MGLL: variants seen among roughly 807,000 people sequenced by gnomAD.
The protein encoded by MGLL is monoglyceride lipase, also known as lysophospholipase homolog.
Under a neutral mutation model 29.1 loss-of-function variants are expected in MGLL, and 7 were observed. The observed-to-expected ratio is 0.24, with a 90% CI of 0.14 to 0.45. The LOEUF (loss-of-function observed/expected upper bound fraction) is 0.45. Among genes scored for constraint, MGLL ranks in the 20% least tolerant of loss-of-function variants. MGLL has a pLI of 0.99. For synonymous variants in MGLL, 148 were observed against 168.3 expected (o/e 0.88, Z 0.93); for missense variants, 356 against 413.6 (o/e 0.86, Z 1.21).
intron 2 of MGLL, among the ~76,000 whole-genome samples, chr3:127,814,045 T>C (rs2107755102): frequency 6.6e-6 from 1 of 151,712 alleles, no homozygotes; most frequent in South Asian, 2.1e-4. Context: ...CCTCCCTGCC[T>C]CCCTCCCACT....
At chr3:127,820,982 T>TA (rs1314959545) in intron 2 of MGLL, among the ~76,000 whole-genome samples, 1 of 152,222 alleles carries the variant, frequency 6.6e-6, no homozygotes, top group Non-Finnish European at 1.5e-5. Flanking sequence ...ACAAGAGGCC[T>TA]ACAAAACAGG....
chr3:127,744,358 G>A (rs536085613), intron 3 of MGLL, among the ~76,000 whole-genome samples: 4 of 152,220 alleles, frequency 2.6e-5, no homozygotes, highest in Non-Finnish European at 4.4e-5. Flanking sequence ...GCGGGATGAC[G>A]ATCTGGGTTT....
intron 3 of MGLL, among the ~76,000 whole-genome samples, chr3:127,755,744 C>T (rs1011157167): frequency 3.3e-5 from 5 of 152,264 alleles, no homozygotes; most frequent in Non-Finnish European, 7.3e-5. Flanking sequence ...CTTAATTACA[C>T]ACTCATGTTC....
chr3:127,785,828 A>T (rs1360721245), intron 2 of MGLL, among the ~76,000 whole-genome samples: 2 of 152,236 alleles, frequency 1.3e-5, no homozygotes, highest in African/African-American at 4.8e-5. Context: ...TCAGCAGAGA[A>T]CACGCCTGTG....
chr3:127,724,316 T>C (rs902839167), intron 3 of MGLL, among the ~76,000 whole-genome samples: 2 of 152,226 alleles, frequency 1.3e-5, no homozygotes, highest in Non-Finnish European at 2.9e-5. Flanking sequence ...AGGCCATATT[T>C]GTCTTTTTGT....
At chr3:127,764,595 G>A (rs1298601141) in intron 3 of MGLL, among the ~76,000 whole-genome samples, 1 of 152,124 alleles carries the variant, frequency 6.6e-6, no homozygotes, top group African/African-American at 2.4e-5. Flanking sequence ...GAGGTTCAAG[G>A]CAACGTCTGA....
At chr3:127,815,132 A>G (rs1452676605) in intron 2 of MGLL, among the ~76,000 whole-genome samples, 1 of 152,120 alleles carries the variant, frequency 6.6e-6, no homozygotes, top group African/African-American at 2.4e-5. Flanking sequence ...CTCGTGATTC[A>G]TATTGATTGA....
At chr3:127,729,459 T>G (rs138017542) in intron 3 of MGLL, among the ~76,000 whole-genome samples, 78 of 152,340 alleles carry the variant, frequency 5.1e-4, no homozygotes, top group African/African-American at 1.7e-3. Context: ...GAGATACCCA[T>G]CTTTTACCAG....
rs539714137 is a variant in MGLL, at chr3:127,754,703, TGTCGGAGGGCAAGAAA to T, written c.262+27070_262+27085del. 2.8e-4 allele frequency among the ~76,000 whole-genome samples: 43 copies of T among 152,266 alleles called. No homozygotes were observed. The South Asian group carries it at 8.3e-3, about 29-fold the overall frequency. ...GTCGGGCAGGAGGATGGGTTTTCCT[TGTCGGAGGGCAAGAAA>T]GCGTAGGCTTCACGCTGGATCTCCA... On this transcript the variant is annotated intron_variant, in intron 3 of 7. Transcript: ENST00000265052.
intron 7 of MGLL, among the ~76,000 whole-genome samples, chr3:127,692,820 C>T (rs954927009): frequency 6.6e-6 from 1 of 152,188 alleles, no homozygotes; most frequent in African/African-American, 2.4e-5. Context: ...AAACACTTTC[C>T]TCTTGTGGTT....
chr3:127,776,370 G>A (rs2077036853), intron 3 of MGLL, among the ~76,000 whole-genome samples: 1 of 152,156 alleles, frequency 6.6e-6, no homozygotes, highest in East Asian at 1.9e-4. Context: ...GGATCTCTGA[G>A]GGGTGGGGGA....
chr3:127,708,775 A>G (rs568450405), intron 6 of MGLL, among the ~76,000 whole-genome samples: 1 of 152,340 alleles, frequency 6.6e-6, no homozygotes, highest in Admixed American at 6.5e-5. Context: ...ATTATGAGGG[A>G]TGCAGGCAGG....
At chr3:127,739,650 G>A (rs1179495007) in intron 3 of MGLL, among the ~76,000 whole-genome samples, 1 of 152,140 alleles carries the variant, frequency 6.6e-6, no homozygotes, top group Non-Finnish European at 1.5e-5. Flanking sequence ...AGAAAGCTCT[G>A]GAAGATTATA....
chr3:127,694,399 A>G (rs112621898), intron 7 of MGLL, among the ~76,000 whole-genome samples: 1 of 147,048 alleles, frequency 6.8e-6, no homozygotes, highest in Non-Finnish European at 1.5e-5. Context: ...ATATATATGT[A>G]TGTGTGTATA....
At chr3:127,710,550 C>T (rs1347327965) in intron 6 of MGLL, 26 bp downstream of exon 6, 1 of 1,526,234 alleles carries the variant, frequency 6.6e-7, no homozygotes, top group Admixed American at 2.0e-5. Context: ...CCCAAGCTAC[C>T]CCTGGGGTTT....
At chr3:127,803,757 C>T (rs1170056164) in intron 2 of MGLL, among the ~76,000 whole-genome samples, 2 of 152,186 alleles carry the variant, frequency 1.3e-5, no homozygotes, top group Non-Finnish European at 1.5e-5. Flanking sequence ...GATGTCACAG[C>T]ATGAAATGCC....
chr3:127,706,509 T>C (rs1399571223), intron 6 of MGLL, among the ~76,000 whole-genome samples: 1 of 152,066 alleles, frequency 6.6e-6, no homozygotes, highest in Non-Finnish European at 1.5e-5. Context: ...TGGGAGCGGG[T>C]CCAGAGCTGG....
At chr3:127,790,827 T>A (rs1160054595) in intron 2 of MGLL, among the ~76,000 whole-genome samples, 1 of 152,186 alleles carries the variant, frequency 6.6e-6, no homozygotes, top group East Asian at 1.9e-4. Context: ...CCAGCCAGCC[T>A]GCCCACTTCC....
At chr3:127,706,852 C>T (rs1307001865) in intron 6 of MGLL, among the ~76,000 whole-genome samples, 1 of 152,168 alleles carries the variant, frequency 6.6e-6, no homozygotes, top group Non-Finnish European at 1.5e-5. Context: ...AGGCTGAAGC[C>T]CATCTTTAGC....
Sources: gnomAD v4.1 joint callset for allele counts (sites outside exome capture counted in the v4.1 genomes callset) on GRCh38, gnomAD v4.1.1 for gene constraint, MANE v1.5 for transcripts, NCBI Gene and HGNC (gene_info 2026-07-23, HGNC 2026-07-21) for gene names.